The following ZNF536 variants were observed in gnomAD, a reference collection of about 807,000 sequenced individuals.
ZNF536 encodes zinc finger protein 536.
In ZNF536, 13 loss-of-function variants were observed where a neutral mutation model predicts 84.5. The ratio of observed to expected loss-of-function variants is 0.15; its 90% confidence interval spans 0.10 to 0.24. The LOEUF (loss-of-function observed/expected upper bound fraction) is 0.24. ZNF536 is among the 10% of genes least tolerant of loss of function. The pLI is 1.00. For synonymous variants in ZNF536, 811 were observed against 742.5 expected (o/e 1.09, Z -1.50); for missense variants, 1,536 against 1,747.5 (o/e 0.88, Z 2.16).
intron 2 of ZNF536, among the ~76,000 whole-genome samples, chr19:30,468,666 A>C (rs1433277199): frequency 6.6e-6 from 1 of 152,050 alleles, no homozygotes; most frequent in East Asian, 1.9e-4. Context: ...ACGGAGCAGC[A>C]TGGAGGGATG....
intron 3 of ZNF536, among the ~76,000 whole-genome samples, chr19:30,366,360 A>G (rs1600406597): frequency 8.5e-6 from 1 of 117,950 alleles, no homozygotes; most frequent in Admixed American, 8.8e-5. Context: ...TACCTATCAT[A>G]TCTCTATCTA....
At chr19:30,309,427 CTGT>C (rs1285586956) in intron 2 of ZNF536, among the ~76,000 whole-genome samples, 1 of 152,184 alleles carries the variant, frequency 6.6e-6, no homozygotes, top group Non-Finnish European at 1.5e-5. Flanking sequence ...CCTCAGATAA[CTGT>C]TTGTGGAGTA....
chr19:30,318,710 G>T (rs2046761809), intron 2 of ZNF536, among the ~76,000 whole-genome samples: 1 of 152,236 alleles, frequency 6.6e-6, no homozygotes, highest in Admixed American at 6.5e-5. Context: ...GTGTGCGCTT[G>T]CATGTATATG....
intron 1 of ZNF536, among the ~76,000 whole-genome samples, chr19:30,572,829 G>A (rs1159529858): frequency 6.6e-6 from 1 of 152,184 alleles, no homozygotes; most frequent in East Asian, 1.9e-4. Context: ...GTTGAAGGGG[G>A]ACATTGGAGA....
At chr19:30,264,395 C>CTGTGTGTGTG (rs66665013) in intron 1 of ZNF536, among the ~76,000 whole-genome samples, 1 of 124,556 alleles carries the variant, frequency 8.0e-6, no homozygotes, top group Non-Finnish European at 1.9e-5. Flanking sequence ...AGTTGTGCCT[C>CTGTGTGTGTG]TGTGTGTGTG....
intron 1 of ZNF536, among the ~76,000 whole-genome samples, chr19:30,404,344 G>C (rs1027674169): frequency 2.0e-5 from 3 of 152,124 alleles, no homozygotes; most frequent in African/African-American, 7.2e-5. Context: ...TGGCACCCCA[G>C]CATCCCTGGA....
rs1161833861 is a variant in ZNF536, at chr19:30,239,591, A to G, written c.-190+10918A>G. Among the ~76,000 whole-genome samples the G allele has an allele frequency of 2.0e-5, 3 of 152,294 alleles. No homozygotes were observed. In the East Asian group the frequency reaches 5.8e-4, roughly 29 times the overall value. On this transcript the variant is annotated intron_variant, in intron 1 of 5. Coordinates refer to the ZNF536 transcript ENST00000585628. ...TACCATACTCACTCCTTGGACCCTA[A>G]AGGGGGAGACTTGTCCTGTGCATTT...
At chr19:30,685,422 T>C (rs778228443) in intron 1 of ZNF536, among the ~76,000 whole-genome samples, 1 of 152,090 alleles carries the variant, frequency 6.6e-6, no homozygotes, top group Non-Finnish European at 1.5e-5. Flanking sequence ...GACACATTCA[T>C]AGAAACAAGC....
intron 2 of ZNF536, among the ~76,000 whole-genome samples, chr19:30,493,674 T>C (rs937911945): frequency 1.3e-5 from 2 of 152,132 alleles, no homozygotes; most frequent in East Asian, 3.9e-4. Flanking sequence ...GATAAAAGTT[T>C]GGCCATGTTT....
At chr19:30,382,072 C>T (rs1370886400) in intron 1 of ZNF536, among the ~76,000 whole-genome samples, 1 of 152,184 alleles carries the variant, frequency 6.6e-6, no homozygotes, top group African/African-American at 2.4e-5. Context: ...AAATGACCTT[C>T]TTTGGCTCCC....
At chr19:30,427,935 A>G (rs1303821229) in intron 1 of ZNF536, among the ~76,000 whole-genome samples, 1 of 152,128 alleles carries the variant, frequency 6.6e-6, no homozygotes, top group African/African-American at 2.4e-5. Context: ...GAACCTTGCT[A>G]TTGTTTTGAT....
At chr19:30,352,992 A>G (rs1269978867) in intron 3 of ZNF536, among the ~76,000 whole-genome samples, 1 of 152,234 alleles carries the variant, frequency 6.6e-6, no homozygotes, top group Admixed American at 6.5e-5. Flanking sequence ...ATTCTGCACC[A>G]TGATTCATTC....
intron 2 of ZNF536, among the ~76,000 whole-genome samples, chr19:30,496,400 T>C (rs2054720934): frequency 6.6e-6 from 1 of 152,086 alleles, no homozygotes; most frequent in Non-Finnish European, 1.5e-5. Context: ...TCCTTTGAAA[T>C]GTTGTTTTAA....
chr19:30,524,493 TA>T (rs1490838971), intron 2 of ZNF536, among the ~76,000 whole-genome samples: 3 of 152,206 alleles, frequency 2.0e-5, no homozygotes, highest in African/African-American at 7.2e-5. Flanking sequence ...CTTCTTTGTT[TA>T]AAAAAGAATA....
intron 1 of ZNF536, among the ~76,000 whole-genome samples, chr19:30,256,093 C>A (rs2024903808): frequency 6.6e-6 from 1 of 152,130 alleles, no homozygotes; most frequent in African/African-American, 2.4e-5. Context: ...CTCCTTTTTT[C>A]TTTCTCTCTC....
intron 1 of ZNF536, among the ~76,000 whole-genome samples, chr19:30,575,658 G>A (rs2046704860): frequency 6.6e-6 from 1 of 152,208 alleles, no homozygotes; most frequent in African/African-American, 2.4e-5. Flanking sequence ...TGGAATAACG[G>A]GTAGGTTAGA....
At chr19:30,478,491 C>G (rs2053943495) in intron 2 of ZNF536, among the ~76,000 whole-genome samples, 1 of 152,110 alleles carries the variant, frequency 6.6e-6, no homozygotes, top group Non-Finnish European at 1.5e-5. Context: ...GTTTTGGGCT[C>G]AGTCAGGCAT....
Position 30,318,788 on chromosome 19 carries a change from G to A in ZNF536, c.-119-33580G>A, listed in dbSNP as rs77227871. Reference sequence around the variant, plus strand: ...AATGTACCCGCAGCCCTGGGTCGTCGTGTCCTGTTCTCTGTGGGCCAGTAA... The same window carrying A: ...AATGTACCCGCAGCCCTGGGTCGTCATGTCCTGTTCTCTGTGGGCCAGTAA... On this transcript the variant is annotated intron_variant, in intron 2 of 5. Transcript: ENST00000585628. Among the ~76,000 whole-genome samples the A allele has an allele frequency of 8.1e-3, 1,237 of 152,262 alleles. 23 individuals are homozygous for A. The highest frequency in any genetic ancestry group is 0.029 in the African/African-American group (1,187 of 41,552).
intron 2 of ZNF536, among the ~76,000 whole-genome samples, chr19:30,343,943 T>C (rs999070846): frequency 6.6e-6 from 1 of 152,068 alleles, no homozygotes; most frequent in African/African-American, 2.4e-5. Context: ...AAAAAACTTA[T>C]TTCAGTCCTT....
Sources: gnomAD v4.1 joint callset for allele counts (sites outside exome capture counted in the v4.1 genomes callset) on GRCh38, gnomAD v4.1.1 for gene constraint, MANE v1.5 for transcripts, NCBI Gene and HGNC (gene_info 2026-07-23, HGNC 2026-07-21) for gene names.